Variants in PXDN observed in about 807,000 individuals in gnomAD.
The protein encoded by PXDN is peroxidasin, also known as peroxidasin homolog.
A neutral mutation model predicts 140.3 loss-of-function variants in PXDN; 77 were observed. That is an observed-to-expected ratio of 0.55 (90% confidence interval 0.46 to 0.66). PXDN has a LOEUF of 0.66. PXDN is among the 30% of genes least tolerant of loss of function. The pLI, the probability that PXDN is intolerant of heterozygous loss-of-function variation, is 0.00. For missense variants in PXDN, 1,838 were observed against 2,039.5 expected, an observed-to-expected ratio of 0.90 and a Z score of 1.90; for synonymous variants, 911 against 857.4, an observed-to-expected ratio of 1.06 and a Z score of -1.09.
In PXDN at chr2:1,663,596, G is replaced by A. The variant is rs770184561; in HGVS notation, c.1567+9C>T. 12 of 1,613,554 alleles carry A rather than the reference G, an allele frequency of 7.4e-6. No homozygotes were observed. In the Admixed American group the frequency reaches 2.0e-4, roughly 27 times the overall value. On this transcript the variant is annotated intron_variant, in intron 12 of 22. Coordinates refer to ENST00000252804, the MANE Select transcript of PXDN (RefSeq NM_012293.3). ...AAATCAATTCAGTCCACAACCTCCT[G>A]GCACCTACCTCTGGGCTGCACAGTC...
At position 1,660,499 on chromosome 2, in the gene PXDN, A is replaced by G. The variant is rs567656420; in HGVS notation, c.1837+382T>C. On this transcript the variant is annotated intron_variant, in intron 14 of 22. Coordinates refer to ENST00000252804, the MANE Select transcript of PXDN (RefSeq NM_012293.3). The surrounding 1 kb of genome is among the most constrained non-coding windows in gnomAD (Gnocchi z 4.6). ...AGAGAGAAACCGCAGCTAAGGAATC[A>G]GAATCTCTTCAAGCAACCATATTTG... Among the ~76,000 whole-genome samples, 2 of 152,250 alleles carry G rather than the reference A, an allele frequency of 1.3e-5. No individual in the cohort carries two copies. Among genetic ancestry groups the G allele is most frequent in the Non-Finnish European group, 2.9e-5 (2 of 68,046 alleles).
chr2:1,661,049 C>T lies in PXDN; in HGVS notation c.1681-12G>A, dbSNP rs771865332. The T allele has an allele frequency of 6.2e-7, 1 of 1,613,774 alleles. No homozygotes were observed. ...ACCTGAACCCCATCCTGGAGCAAAA[C>T]AGAATGAAAACAGTATTAGAAATAA... On this transcript the variant is annotated splice_polypyrimidine_tract_variant and intron_variant, in intron 13 of 22. Transcript: ENST00000252804.
chr2:1,710,108 A>G (rs906917632), intron 1 of PXDN, among the ~76,000 whole-genome samples: 1 of 152,198 alleles, frequency 6.6e-6, no homozygotes, highest in Admixed American at 6.5e-5. Flanking sequence ...TATTATAAAT[A>G]GCCCTGCAAT....
At chr2:1,678,312 C>T (rs1683781021) in intron 7 of PXDN, among the ~76,000 whole-genome samples, 1 of 152,180 alleles carries the variant, frequency 6.6e-6, no homozygotes, top group African/African-American at 2.4e-5. Context: ...GTAAACCCTC[C>T]CATGGCTCCC....
At chr2:1,681,121 TC>T (rs1297527571) in intron 6 of PXDN, among the ~76,000 whole-genome samples, 9 of 151,750 alleles carry the variant, frequency 5.9e-5, no homozygotes, top group African/African-American at 2.2e-4. Context: ...TGGGAAGGGG[TC>T]CCCAGGCCCC....
At chr2:1,741,137 G>A (rs757401224) in intron 1 of PXDN, among the ~76,000 whole-genome samples, 23 of 152,114 alleles carry the variant, frequency 1.5e-4, no homozygotes, top group Non-Finnish European at 3.2e-4. Context: ...GCTCCAGTGT[G>A]TCCAGCCAGC....
rs1682950064 is a variant in PXDN at position 1,649,245 on chromosome 2, C to T, written c.2535G>A (p.Gln845=). The change falls in exon 17 of 23, where the codon CAG becomes CAA. Residue 845 remains glutamine (Q), a synonymous_variant. Transcript: ENST00000252804. The surrounding 1 kb of genome is among the most constrained non-coding windows in gnomAD (Gnocchi z 7.1). ...CGTTGCTGCACACGTTGCTGCAGTG[C>T]TGTCCGTCGGAGAAGCGTGCCTGGC... The part of the protein sequence containing the change: ...ALSQARFSDG[Q]HCSNVCSNDP... 3 of 1,613,150 alleles carry T rather than the reference C, an allele frequency of 1.9e-6. No individual in the cohort carries two copies. Among genetic ancestry groups the T allele is most frequent in the Non-Finnish European group, 2.5e-6 (3 of 1,179,744 alleles).
chr2:1,743,839 G>C (rs1453738047), intron 1 of PXDN, among the ~76,000 whole-genome samples: 1 of 147,048 alleles, frequency 6.8e-6, no homozygotes, highest in Non-Finnish European at 1.5e-5. Context: ...GAGGGGTCCT[G>C]AGCGGGGGAA....
intron 13 of PXDN, among the ~76,000 whole-genome samples, chr2:1,661,850 T>C (rs1683311841): frequency 6.6e-6 from 1 of 152,242 alleles, no homozygotes. Flanking sequence ...TGAGTATTTT[T>C]ACCTCAAGGC....
rs1683402213 is a variant in PXDN, at chr2:1,665,078, C to T, written c.1292-4G>A. On this transcript the variant is annotated splice_polypyrimidine_tract_variant and splice_region_variant and intron_variant, in intron 10 of 22. Transcript: ENST00000252804. Reference sequence around the variant, plus strand: ...GTCACAGTGAACTGAGGAAGAGCTTCCGGAGAGAAAGCATTCAAAACAGGA... The same window carrying T: ...GTCACAGTGAACTGAGGAAGAGCTTTCGGAGAGAAAGCATTCAAAACAGGA... 3 of 1,583,800 alleles carry T rather than the reference C, an allele frequency of 1.9e-6. No individual in the cohort carries two copies. In the South Asian group the frequency reaches 3.4e-5, roughly 18 times the overall value.
At chr2:1,635,948 T>C in intron 21 of PXDN, 2 of 328,828 alleles carry the variant, frequency 6.1e-6, no homozygotes, top group Non-Finnish European at 1.2e-5. Context: ...AAGGTGACCT[T>C]TCCAACCGCT....
chr2:1,640,207 T>C (rs1008884458), intron 19 of PXDN, among the ~76,000 whole-genome samples: 1 of 152,198 alleles, frequency 6.6e-6, no homozygotes, highest in Non-Finnish European at 1.5e-5. Flanking sequence ...GTGTCCCACC[T>C]GGGCCCTGTG....
chr2:1,649,238 T>G lies in PXDN; in HGVS notation c.2542A>C (p.Ser848Arg). 6.2e-7 allele frequency: 1 copy of G among 1,613,182 alleles called. No individual in the cohort carries two copies. The change falls in exon 17 of 23, where the codon AGC becomes CGC. Residue 848 changes from serine (S) to arginine (R), a missense_variant. By Grantham distance (110) the Ser-to-Arg change is moderately radical. Coordinates refer to ENST00000252804, the MANE Select transcript of PXDN (RefSeq NM_012293.3). The surrounding 1 kb of genome is among the most constrained non-coding windows in gnomAD (Gnocchi z 7.1). The part of the protein sequence containing the change: ...QARFSDGQHC[S>R]NVCSNDPPCF... ...GGGGGGTCGTTGCTGCACACGTTGC[T>G]GCAGTGCTGTCCGTCGGAGAAGCGT...
intron 16 of PXDN, chr2:1,653,373 G>T: frequency 1.9e-6 from 1 of 517,968 alleles, no homozygotes; most frequent in Non-Finnish European, 3.6e-6. Context: ...CCCACTCAGG[G>T]CAGGTGGACC....
intron 17 of PXDN, chr2:1,645,970 G>C (rs1682842135): frequency 6.6e-6 from 1 of 152,292 alleles, no homozygotes; most frequent in Admixed American, 6.5e-5. Flanking sequence ...CCAGGGAAGA[G>C]ACCTCGCAGT....
At chr2:1,666,165 G>A (rs779848045) in intron 10 of PXDN, 49 bp downstream of exon 10, 63 of 1,599,414 alleles carry the variant, frequency 3.9e-5, no homozygotes, top group Admixed American at 6.7e-5. Context: ...TAGTGGAGGG[G>A]TGAGGATGGG....
At chr2:1,672,695 G>C (rs1208635839) in intron 9 of PXDN, among the ~76,000 whole-genome samples, 1 of 152,234 alleles carries the variant, frequency 6.6e-6, no homozygotes, top group Non-Finnish European at 1.5e-5. Flanking sequence ...TCTATGCTGG[G>C]ATGTACTAGG....
intron 1 of PXDN, among the ~76,000 whole-genome samples, chr2:1,743,929 G>C (rs548772606): frequency 5.9e-5 from 9 of 151,414 alleles, no homozygotes; most frequent in African/African-American, 2.2e-4. Context: ...GGAGGCGAGC[G>C]GGGGGAGCCC....
chr2:1,640,370 G>C (rs985772087), intron 19 of PXDN, among the ~76,000 whole-genome samples: 1 of 152,234 alleles, frequency 6.6e-6, no homozygotes, highest in Non-Finnish European at 1.5e-5. Flanking sequence ...GAAATTCTAT[G>C]AGAAGAGAAG....
Sources: gnomAD v4.1 joint callset for allele counts (sites outside exome capture counted in the v4.1 genomes callset) on GRCh38, gnomAD v4.1.1 for gene constraint, Gnocchi (gnomAD v3.1) non-coding constraint, MANE v1.5 for transcripts, NCBI Gene and HGNC (gene_info 2026-07-23, HGNC 2026-07-21) for gene names.